Variants in RPN2 observed in about 807,000 individuals in gnomAD.
RPN2 encodes dolichyl-diphosphooligosaccharide--protein glycosyltransferase subunit 2.
In RPN2, 29 loss-of-function variants were observed where a neutral mutation model predicts 71.4. The observed-to-expected ratio is 0.41, with a 90% CI of 0.30 to 0.55. The LOEUF is 0.55. Ranked by LOEUF, RPN2 falls within the 20% of genes least tolerant of loss-of-function variation. RPN2 has a pLI of 0.35. For synonymous variants in RPN2, 308 were observed against 305.0 expected (o/e 1.01, Z -0.10); for missense variants, 726 against 774.1 (o/e 0.94, Z 0.74).
Position 37,211,955 on chromosome 20 carries a change from C to G in RPN2, c.986+1790C>G, listed in dbSNP as rs2067682632. 4.6e-5 allele frequency among the ~76,000 whole-genome samples: 7 copies of G among 152,108 alleles called. No individual in the cohort carries two copies. In the South Asian group the frequency reaches 1.5e-3, roughly 32 times the overall value. ...GTTTTACCATGTTGGCCAGGCTGGTCTTGAACTGCCTCAGCCTCCGAGTGG... is the reference window on the plus strand; with the variant it reads ...GTTTTACCATGTTGGCCAGGCTGGTGTTGAACTGCCTCAGCCTCCGAGTGG... On this transcript the variant is annotated intron_variant, in intron 8 of 16. Transcript: ENST00000237530.
intron 1 of RPN2, among the ~76,000 whole-genome samples, chr20:37,180,462 T>C (rs1451083784): frequency 6.6e-6 from 1 of 152,240 alleles, no homozygotes; most frequent in Non-Finnish European, 1.5e-5. Flanking sequence ...TATTAAGTGC[T>C]CAACTTTTAG....
At chr20:37,234,522 C>CA (rs1490430867) in intron 15 of RPN2, among the ~76,000 whole-genome samples, 2 of 152,226 alleles carry the variant, frequency 1.3e-5, no homozygotes, top group African/African-American at 4.8e-5. Flanking sequence ...TTTCCACAGT[C>CA]AGACATGCTA....
intron 9 of RPN2, among the ~76,000 whole-genome samples, chr20:37,216,290 G>A (rs1293554575): frequency 2.0e-5 from 3 of 152,084 alleles, no homozygotes; most frequent in Non-Finnish European, 4.4e-5. Context: ...AGTGAGCTGA[G>A]ATCGTGCCAC....
At chr20:37,217,893 C>G (rs954769771) in intron 9 of RPN2, among the ~76,000 whole-genome samples, 4 of 152,014 alleles carry the variant, frequency 2.6e-5, no homozygotes, top group Admixed American at 6.6e-5. Flanking sequence ...GCCACCATGC[C>G]TGGCTAATTT....
chr20:37,181,045 A>G (rs1221639992), intron 1 of RPN2, among the ~76,000 whole-genome samples: 1 of 152,138 alleles, frequency 6.6e-6, no homozygotes, highest in Non-Finnish European at 1.5e-5. Context: ...CCTGGCCAAC[A>G]TGGTGAAACC....
chr20:37,227,735 C>G (rs904387947), intron 11 of RPN2, among the ~76,000 whole-genome samples: 1 of 152,202 alleles, frequency 6.6e-6, no homozygotes, highest in African/African-American at 2.4e-5. Flanking sequence ...AAGAAAAGCT[C>G]TGGGTAGTTA....
chr20:37,240,284 GTTCTTA>G (rs2146727678), intron 16 of RPN2, among the ~76,000 whole-genome samples: 1 of 152,308 alleles, frequency 6.6e-6, no homozygotes, highest in South Asian at 2.1e-4. Flanking sequence ...CCCTTCGGCT[GTTCTTA>G]TTTCATACTC....
intron 9 of RPN2, among the ~76,000 whole-genome samples, chr20:37,216,254 G>A (rs1227093245): frequency 6.6e-6 from 1 of 152,008 alleles, no homozygotes; most frequent in Admixed American, 6.5e-5. Context: ...CAGGAGAATC[G>A]CTTGAACCTG....
chr20:37,200,218 A>G (rs1247995887), intron 4 of RPN2, among the ~76,000 whole-genome samples: 1 of 151,982 alleles, frequency 6.6e-6, no homozygotes, highest in Non-Finnish European at 1.5e-5. Context: ...TGAACTCCTG[A>G]CCTCAAGCAA....
intron 8 of RPN2, among the ~76,000 whole-genome samples, chr20:37,213,390 C>G (rs1026993572): frequency 3.3e-5 from 5 of 152,140 alleles, no homozygotes; most frequent in Non-Finnish European, 7.4e-5. Context: ...GAGGCTGAGG[C>G]AGGTGGATCA....
chr20:37,204,339 C>G (rs1384873234), intron 5 of RPN2, among the ~76,000 whole-genome samples: 1 of 152,178 alleles, frequency 6.6e-6, no homozygotes, highest in Non-Finnish European at 1.5e-5. Context: ...GTATGTCTCT[C>G]TTTGTCTTTT....
chr20:37,213,401 CTTGA>C (rs1336279073), intron 8 of RPN2, among the ~76,000 whole-genome samples: 3 of 152,132 alleles, frequency 2.0e-5, no homozygotes, highest in African/African-American at 7.2e-5. Context: ...AGGTGGATCA[CTTGA>C]TCTCAGGACC....
intron 4 of RPN2, among the ~76,000 whole-genome samples, chr20:37,201,047 T>G (rs2067375812): frequency 6.6e-6 from 1 of 152,056 alleles, no homozygotes; most frequent in South Asian, 2.1e-4. Flanking sequence ...TTCTAACTTC[T>G]CTGAGCCTTG....
chr20:37,197,379 A>G (rs761813709), intron 2 of RPN2, among the ~76,000 whole-genome samples: 1 of 152,190 alleles, frequency 6.6e-6, no homozygotes, highest in African/African-American at 2.4e-5. Flanking sequence ...GACTGGGACA[A>G]TGTAGGTGAG....
intron 2 of RPN2, among the ~76,000 whole-genome samples, chr20:37,188,399 C>T (rs1261790233): frequency 3.9e-5 from 6 of 152,058 alleles, no homozygotes; most frequent in East Asian, 1.9e-4. Context: ...GTGATCTGCC[C>T]GTCTTGGCCT....
chr20:37,202,631 TAA>T (rs1393453084), intron 4 of RPN2, among the ~76,000 whole-genome samples: 1 of 152,232 alleles, frequency 6.6e-6, no homozygotes, highest in African/African-American at 2.4e-5. Context: ...TAGAATCTAA[TAA>T]GTCTTACATG....
intron 13 of RPN2, among the ~76,000 whole-genome samples, chr20:37,230,922 C>T (rs965044550): frequency 6.6e-5 from 10 of 151,718 alleles, no homozygotes; most frequent in African/African-American, 2.2e-4. Context: ...TTAATGGCAG[C>T]GGCAGCAAAG....
chr20:37,210,522 T>C (rs1320581707), intron 8 of RPN2, among the ~76,000 whole-genome samples: 2 of 138,304 alleles, frequency 1.4e-5, no homozygotes, highest in Non-Finnish European at 3.0e-5. Flanking sequence ...AGATAACTTT[T>C]GCTAACTTTT....
At chr20:37,219,989 G>A (rs188706871) in intron 9 of RPN2, among the ~76,000 whole-genome samples, 38 of 152,302 alleles carry the variant, frequency 2.5e-4, no homozygotes, top group African/African-American at 8.4e-4. Context: ...CAAATCTGGT[G>A]TTTGTCCAAG....
Sources: allele counts gnomAD v4.1 joint callset (sites outside exome capture counted in the v4.1 genomes callset), GRCh38; gene constraint gnomAD v4.1.1; transcripts MANE v1.5; gene names NCBI Gene and HGNC (gene_info 2026-07-23, HGNC 2026-07-21).